Variants in PTBP2 observed in about 807,000 individuals in gnomAD.
PTBP2 encodes the protein polypyrimidine tract-binding protein 2.
A neutral mutation model predicts 61.4 loss-of-function variants in PTBP2; 13 were observed. The observed-to-expected ratio is 0.21, with a 90% CI of 0.14 to 0.34. The LOEUF (loss-of-function observed/expected upper bound fraction) is 0.34, where lower values mean the gene tolerates loss of function less well. PTBP2 is among the 10% of genes least tolerant of loss of function. The pLI, the probability that PTBP2 is intolerant of heterozygous loss-of-function variation, is 1.00. For missense variants in PTBP2, 405 were observed against 642.6 expected, an observed-to-expected ratio of 0.63 and a Z score of 4.00; for synonymous variants, 215 against 218.5, an observed-to-expected ratio of 0.98 and a Z score of 0.14.
intron 5 of PTBP2, among the ~76,000 whole-genome samples, chr1:96,772,117 G>A (rs1335371661): frequency 6.6e-6 from 1 of 152,086 alleles, no homozygotes; most frequent in Non-Finnish European, 1.5e-5. Flanking sequence ...AAGATCTCCT[G>A]AGACACCAGC....
At chr1:96,776,119 T>G (rs1022146533) in intron 5 of PTBP2, among the ~76,000 whole-genome samples, 1 of 151,980 alleles carries the variant, frequency 6.6e-6, no homozygotes, top group South Asian at 2.1e-4. Context: ...TGGATTCCTA[T>G]TTTAGAAAAC....
At chr1:96,798,778 C>CAT (rs1285907972) in intron 8 of PTBP2, among the ~76,000 whole-genome samples, 3 of 152,086 alleles carry the variant, frequency 2.0e-5, no homozygotes. Flanking sequence ...ATTGTAATAC[C>CAT]ATACTAATGT....
chr1:96,803,648 T>C (rs1053689073), intron 8 of PTBP2, among the ~76,000 whole-genome samples: 4 of 152,144 alleles, frequency 2.6e-5, no homozygotes, highest in Non-Finnish European at 5.9e-5. Context: ...TAGTAGTTTC[T>C]ATAAAGTCAA....
Position 96,763,899 on chromosome 1 carries a change from AGACC to A in PTBP2, c.116-5803_116-5800del, listed in dbSNP as rs1285794320. 3.3e-5 allele frequency among the ~76,000 whole-genome samples: 5 copies of A among 152,338 alleles called. No individual in the cohort carries two copies. The East Asian group carries it at 9.7e-4, about 29-fold the overall frequency. On this transcript the variant is annotated intron_variant, in intron 3 of 13. Transcript: ENST00000674951. The stretch of plus-strand genomic sequence containing the variant: ...TGCTTATAAGAGCAAATAGCATAAA[AGACC>A]TTTAAAAATTGGTGATTATATTTGC...
At chr1:96,784,396 G>T (rs12083632) in intron 7 of PTBP2, among the ~76,000 whole-genome samples, 40,792 of 151,906 alleles carry the variant, frequency 0.27, 6,898 homozygotes, top group African/African-American at 0.49. Context: ...TAAGATGACC[G>T]AAAAGAGTCT....
chr1:96,780,358 TC>T (rs1484686850), intron 7 of PTBP2, among the ~76,000 whole-genome samples: 1 of 151,950 alleles, frequency 6.6e-6, no homozygotes, highest in Non-Finnish European at 1.5e-5. Context: ...TCACCCTGCC[TC>T]CCCTCTCCCT....
intron 2 of PTBP2, among the ~76,000 whole-genome samples, chr1:96,725,301 G>GTT (rs34309895): frequency 0.014 from 1,847 of 135,814 alleles, 72 homozygotes; most frequent in East Asian, 0.074. Context: ...GGTTACACCA[G>GTT]TTTTTTTTTT....
intron 2 of PTBP2, among the ~76,000 whole-genome samples, chr1:96,725,661 A>G (rs1650336648): frequency 6.6e-6 from 1 of 152,110 alleles, no homozygotes; most frequent in African/African-American, 2.4e-5. Context: ...AGTTAATTTA[A>G]TTTTCTGGAA....
At chr1:96,779,195 A>G (rs1658378535) in intron 7 of PTBP2, among the ~76,000 whole-genome samples, 1 of 152,014 alleles carries the variant, frequency 6.6e-6, no homozygotes, top group Admixed American at 6.6e-5. Context: ...TTTTTGTCCA[A>G]AAAATGATTA....
chr1:96,743,587 A>G lies in PTBP2; in HGVS notation c.40-7838A>G, dbSNP rs1019477677. 5.3e-5 allele frequency among the ~76,000 whole-genome samples: 8 copies of G among 152,268 alleles called. 1 individual carries two copies. Among genetic ancestry groups the G allele is most frequent in the Admixed American group, 1.3e-4 (2 of 15,286 alleles). The stretch of plus-strand genomic sequence containing the variant: ...TTCTGTGTATATTAGAATTCTTAAG[A>G]ATTATATCCATCAACTGTTTGGTCA... On this transcript the variant is annotated intron_variant, in intron 2 of 13. Coordinates refer to ENST00000674951, the MANE Select transcript of PTBP2 (RefSeq NM_021190.4).
rs541591273 is a variant in PTBP2, at chr1:96,762,078, T to G, written c.116-7625T>G. Among the ~76,000 whole-genome samples the G allele has an allele frequency of 2.5e-3, 384 of 151,124 alleles. 2 individuals carry two copies. The highest frequency in any genetic ancestry group is 8.6e-3 in the African/African-American group (351 of 41,008). On this transcript the variant is annotated intron_variant, in intron 3 of 13. Transcript: ENST00000674951. ...GGGGTAAGGTCACAGATCAACAGGA[T>G]AAGAATTTTTCTTAGTACAGAACAA...
At chr1:96,768,249 T>C (rs1402213870) in intron 3 of PTBP2, among the ~76,000 whole-genome samples, 1 of 152,056 alleles carries the variant, frequency 6.6e-6, no homozygotes, top group African/African-American at 2.4e-5. Flanking sequence ...TCTTGTTCAC[T>C]CTCTGTACCC....
intron 11 of PTBP2, among the ~76,000 whole-genome samples, chr1:96,810,107 TGA>T (rs1661915165): frequency 6.6e-6 from 1 of 152,194 alleles, no homozygotes; most frequent in African/African-American, 2.4e-5. Context: ...GTAAATTTCT[TGA>T]GGTCTTTTAA....
intron 8 of PTBP2, among the ~76,000 whole-genome samples, chr1:96,792,373 C>G (rs1570965546): frequency 6.6e-6 from 1 of 152,186 alleles, no homozygotes; most frequent in East Asian, 1.9e-4. Context: ...AAGTAGGGTA[C>G]AAAGAACAGT....
chr1:96,815,774 C>G (rs950707011), downstream of PTBP2: 3 of 152,114 alleles, frequency 2.0e-5, no homozygotes, highest in Non-Finnish European at 2.9e-5. Flanking sequence ...CTGTTGTCAT[C>G]TGAAGAAGAA....
chr1:96,821,723 G>A (rs1662689925), exon 14 of PTBP2: 1 of 151,986 alleles, frequency 6.6e-6, no homozygotes, highest in South Asian at 2.1e-4. Context: ...CCACCTCTCG[G>A]GTTCAAGCAA....
chr1:96,721,988 T>C, intron 1 of PTBP2, 116 bp downstream of exon 1: 4 of 1,351,770 alleles, frequency 3.0e-6, no homozygotes, highest in Non-Finnish European at 4.1e-6. Flanking sequence ...TGGGCTGCCG[T>C]TACCCAACCC....
chr1:96,759,186 A>G (rs139884811), intron 3 of PTBP2, among the ~76,000 whole-genome samples: 19 of 152,328 alleles, frequency 1.2e-4, no homozygotes, highest in Non-Finnish European at 1.9e-4. Flanking sequence ...AAGGCTCAAT[A>G]TGTTAACATG....
chr1:96,773,392 G>A (rs1404493596), intron 5 of PTBP2, among the ~76,000 whole-genome samples: 2 of 151,638 alleles, frequency 1.3e-5, no homozygotes, highest in Non-Finnish European at 2.9e-5. Flanking sequence ...TTTTGTAGTT[G>A]GTTATGCCTT....
Sources: allele counts gnomAD v4.1 joint callset (sites outside exome capture counted in the v4.1 genomes callset), GRCh38; gene constraint gnomAD v4.1.1; transcripts MANE v1.5; gene names NCBI Gene and HGNC (gene_info 2026-07-23, HGNC 2026-07-21).